ARMH4: variants seen among roughly 807,000 people sequenced by gnomAD.
ARMH4 encodes the protein armadillo-like helical domain-containing protein 4.
In ARMH4, 49 loss-of-function variants were observed where a neutral mutation model predicts 61.9. That is an observed-to-expected ratio of 0.79 (90% CI 0.63 to 1.00). The LOEUF is 1.00. Ranked by LOEUF, ARMH4 falls within the 50% of genes least tolerant of loss-of-function variation. ARMH4 has a pLI of 0.00. For missense variants in ARMH4, 934 were observed against 930.0 expected (o/e 1.00, Z -0.06); for synonymous variants, 368 against 341.5 (o/e 1.08, Z -0.85).
At position 58,118,502 on chromosome 14, in the gene ARMH4, G is replaced by A. The variant is rs1453930334; in HGVS notation, c.1831+13010C>T. Among the ~76,000 whole-genome samples, 3 of 151,162 alleles carry A rather than the reference G, an allele frequency of 2.0e-5. No homozygotes were observed. The East Asian group carries it at 5.9e-4, about 29-fold the overall frequency. On this transcript the variant is annotated intron_variant, in intron 4 of 7. Transcript: ENST00000267485. ...TATCTTGGTCTTGGCTCTTCTATGC[G>A]GGGGCGGGGGTGGGGAGTAGAAAAT...
intron 5 of ARMH4, among the ~76,000 whole-genome samples, chr14:58,051,887 G>T (rs544486621): frequency 6.6e-6 from 1 of 152,074 alleles, no homozygotes; most frequent in East Asian, 1.9e-4. Flanking sequence ...AGACAGCTAG[G>T]CCTGATTATC....
intron 5 of ARMH4, among the ~76,000 whole-genome samples, chr14:58,070,419 C>G (rs981290626): frequency 6.6e-6 from 1 of 152,184 alleles, no homozygotes; most frequent in Non-Finnish European, 1.5e-5. Context: ...CTCAGAGCAA[C>G]TAAGAGTCAC....
At chr14:58,083,956 T>C (rs1049579832) in intron 5 of ARMH4, among the ~76,000 whole-genome samples, 1 of 152,216 alleles carries the variant, frequency 6.6e-6, no homozygotes, top group Non-Finnish European at 1.5e-5. Flanking sequence ...TATAGGAGAA[T>C]CATGATTATA....
At chr14:58,104,807 G>T (rs141925995) in intron 4 of ARMH4, among the ~76,000 whole-genome samples, 591 of 152,302 alleles carry the variant, frequency 3.9e-3, no homozygotes, top group Non-Finnish European at 6.4e-3. Flanking sequence ...AATCAACAGC[G>T]CTCAATAAGT....
At chr14:58,122,895 G>T (rs12147017) in intron 4 of ARMH4, among the ~76,000 whole-genome samples, 1 of 152,058 alleles carries the variant, frequency 6.6e-6, no homozygotes, top group Non-Finnish European at 1.5e-5. Context: ...CAGCAGGACT[G>T]AGGGTGCCTG....
At chr14:58,064,266 T>C (rs1884632176) in intron 5 of ARMH4, among the ~76,000 whole-genome samples, 1 of 152,224 alleles carries the variant, frequency 6.6e-6, no homozygotes. Flanking sequence ...TTAGCAAAAC[T>C]CTAATTAGAA....
At chr14:58,005,269 T>A (rs1209269077) in intron 6 of ARMH4, 87 bp from the exon 7 acceptor site, 1 of 1,543,796 alleles carries the variant, frequency 6.5e-7, no homozygotes, top group East Asian at 2.3e-5. Flanking sequence ...CAGCAGGTTT[T>A]TAGACACTTT....
At chr14:58,012,226 A>G (rs973482803) in intron 5 of ARMH4, 76 bp from the exon 6 acceptor site, 12 of 872,816 alleles carry the variant, frequency 1.4e-5, no homozygotes, top group African/African-American at 7.1e-5. Context: ...TAATTTGACA[A>G]ATTAAAGAGT....
rs768802446 is a variant in ARMH4, at chr14:58,096,887, C to A, written c.1926G>T (p.Ser642=). ...EEDEEDKDAD[S]LDEGLDGDTE... Reference sequence around the variant, plus strand: ...TGTCACCATCCAAGCCCTCATCCAGCGAGTCTGCATCTTTATCTTCCTCAT... The same window carrying A: ...TGTCACCATCCAAGCCCTCATCCAGAGAGTCTGCATCTTTATCTTCCTCAT... The change falls in exon 5 of 8, where the codon TCG becomes TCT. Residue 642 remains serine, a synonymous_variant. Coordinates refer to ENST00000267485, the MANE Select transcript of ARMH4 (RefSeq NM_001001872.4). 8.1e-6 allele frequency: 13 copies of A among 1,614,128 alleles called. No homozygotes were observed. The highest frequency in any genetic ancestry group is 1.3e-5 in the African/African-American group (1 of 75,014).
At chr14:58,123,420 G>A (rs1383176150) in intron 4 of ARMH4, among the ~76,000 whole-genome samples, 1 of 152,154 alleles carries the variant, frequency 6.6e-6, no homozygotes, top group Non-Finnish European at 1.5e-5. Flanking sequence ...CCAAAAGATT[G>A]TTAAGGACCT....
chr14:58,019,644 A>T (rs1882742596), intron 5 of ARMH4, among the ~76,000 whole-genome samples: 1 of 152,022 alleles, frequency 6.6e-6, no homozygotes, highest in Admixed American at 6.6e-5. Flanking sequence ...TACAAAAATT[A>T]GCCGAGTATG....
chr14:58,144,311 C>G (rs1333033052), intron 1 of ARMH4, among the ~76,000 whole-genome samples: 2 of 152,072 alleles, frequency 1.3e-5, no homozygotes, highest in African/African-American at 4.8e-5. Context: ...TACCTGTAGT[C>G]CCAATACTTT....
intron 5 of ARMH4, among the ~76,000 whole-genome samples, chr14:58,029,044 T>G (rs1883120726): frequency 6.6e-6 from 1 of 151,826 alleles, no homozygotes; most frequent in South Asian, 2.1e-4. Flanking sequence ...ACACCCCCCC[T>G]CCAAATACAC....
chr14:58,009,119 G>T (rs547421147), intron 6 of ARMH4, among the ~76,000 whole-genome samples: 11 of 152,256 alleles, frequency 7.2e-5, no homozygotes, highest in African/African-American at 2.6e-4. Context: ...AGAGCTTCCA[G>T]TTTGGGACTG....
chr14:58,129,429 A>G (rs1046179194), intron 4 of ARMH4, among the ~76,000 whole-genome samples: 52 of 152,252 alleles, frequency 3.4e-4, no homozygotes, highest in Admixed American at 3.4e-3. Context: ...AGATATTAAA[A>G]TAACATATAA....
chr14:58,126,063 G>A (rs1042240444), intron 4 of ARMH4, among the ~76,000 whole-genome samples: 7 of 152,150 alleles, frequency 4.6e-5, no homozygotes, highest in South Asian at 2.1e-4. Context: ...CCAGGCATTC[G>A]AGCTGGCAAC....
In ARMH4 at chr14:58,138,434, C is replaced by A; in HGVS notation, c.925G>T (p.Ala309Ser). The change falls in exon 2 of 8, where the codon GCC (alanine) becomes TCC (serine). Residue 309 changes from alanine to serine, a missense_variant. Coordinates refer to ENST00000267485, the MANE Select transcript of ARMH4 (RefSeq NM_001001872.4). ...GTGTCATCCCACTCATCACTTAAGG[C>A]AGAGGCAGCTGGAACAGCTGTGCTG... The part of the protein sequence containing the change: ...SVSTAVPAAS[A>S]LSDEWDDTKL... 1.2e-6 allele frequency: 2 copies of A among 1,614,232 alleles called. No homozygotes were observed. The highest frequency in any genetic ancestry group is 1.7e-6 in the Non-Finnish European group (2 of 1,180,038).
intron 5 of ARMH4, among the ~76,000 whole-genome samples, chr14:58,077,871 C>G (rs2141237716): frequency 6.6e-6 from 1 of 152,244 alleles, no homozygotes; most frequent in African/African-American, 2.4e-5. Flanking sequence ...AAAATTCCAC[C>G]CTTTGCTTCC....
chr14:58,100,143 G>A (rs1885911622), intron 4 of ARMH4, among the ~76,000 whole-genome samples: 1 of 152,182 alleles, frequency 6.6e-6, no homozygotes. Context: ...GGCAGATTTG[G>A]TGGGTAGGGG....
Sources: allele counts gnomAD v4.1 joint callset (sites outside exome capture counted in the v4.1 genomes callset), GRCh38; gene constraint gnomAD v4.1.1; transcripts MANE v1.5; gene names NCBI Gene and HGNC (gene_info 2026-07-23, HGNC 2026-07-21).